ADGRB3: variants seen among roughly 807,000 people sequenced by gnomAD.
The protein encoded by ADGRB3 is adhesion G protein-coupled receptor B3.
Under a neutral mutation model 193.4 loss-of-function variants are expected in ADGRB3, and 37 were observed. That is an observed-to-expected ratio of 0.19 (90% CI 0.15 to 0.25). The LOEUF (loss-of-function observed/expected upper bound fraction) is 0.25, where lower values mean the gene tolerates loss of function less well. Ranked by LOEUF, ADGRB3 falls within the 10% of genes least tolerant of loss-of-function variation. The pLI, the probability that ADGRB3 is intolerant of heterozygous loss-of-function variation, is 1.00. For synonymous variants in ADGRB3, 690 were observed against 644.2 expected, an observed-to-expected ratio of 1.07 and a Z score of -1.08; for missense variants, 1,637 against 1,852.9, an observed-to-expected ratio of 0.88 and a Z score of 2.14.
chr6:68,884,950 C>T (rs896156204), intron 3 of ADGRB3, among the ~76,000 whole-genome samples: 11 of 152,026 alleles, frequency 7.2e-5, no homozygotes, highest in Admixed American at 2.6e-4. Flanking sequence ...AACCCAGTAC[C>T]TAATCTTAGG....
chr6:69,354,402 A>G, intron 27 of ADGRB3, 74 bp downstream of exon 27: 1 of 1,242,610 alleles, frequency 8.0e-7, no homozygotes, highest in Non-Finnish European at 1.2e-6. Context: ...CCTTATGAGT[A>G]AAATAGTGTA....
chr6:69,310,808 G>T (rs532779348), intron 20 of ADGRB3, among the ~76,000 whole-genome samples: 1 of 151,714 alleles, frequency 6.6e-6, no homozygotes, highest in African/African-American at 2.4e-5. Flanking sequence ...CCATGGTAAA[G>T]AAAAAGACCT....
At chr6:69,355,677 T>C (rs1769322688) in intron 27 of ADGRB3, 144 bp from the exon 28 acceptor site, 2 of 677,068 alleles carry the variant, frequency 3.0e-6, no homozygotes, top group South Asian at 3.6e-5. Flanking sequence ...AATCTAATTA[T>C]ACATAGAGAA....
chr6:69,282,193 T>C (rs530092575), intron 20 of ADGRB3, among the ~76,000 whole-genome samples: 2 of 152,180 alleles, frequency 1.3e-5, no homozygotes, highest in East Asian at 3.9e-4. Flanking sequence ...AAAATGAATA[T>C]CAGGATTTGA....
At chr6:69,069,159 G>T (rs1771997325) in intron 16 of ADGRB3, among the ~76,000 whole-genome samples, 1 of 151,950 alleles carries the variant, frequency 6.6e-6, no homozygotes, top group African/African-American at 2.4e-5. Context: ...CTAAAATATG[G>T]AACAGTACTT....
At chr6:69,202,809 G>A (rs908702554) in intron 17 of ADGRB3, among the ~76,000 whole-genome samples, 1 of 152,092 alleles carries the variant, frequency 6.6e-6, no homozygotes, top group Non-Finnish European at 1.5e-5. Flanking sequence ...GTACCTACTG[G>A]CTTCAACTTC....
chr6:69,049,367 C>G lies in ADGRB3; in HGVS notation c.2333+21C>G, dbSNP rs775235937. The G allele has an allele frequency of 2.3e-5, 36 of 1,541,094 alleles. No homozygotes were observed. In the Middle Eastern group the frequency reaches 7.2e-4, roughly 31 times the overall value. ...TTGAGGTAAGCTACAAAGTAATAAACTGTTGTAATTTTGTAAATTATTCCA... is the reference window on the plus strand; with the variant it reads ...TTGAGGTAAGCTACAAAGTAATAAAGTGTTGTAATTTTGTAAATTATTCCA... On this transcript the variant is annotated intron_variant, in intron 15 of 31. Transcript: ENST00000370598.
intron 20 of ADGRB3, among the ~76,000 whole-genome samples, chr6:69,256,565 C>T (rs978257223): frequency 4.6e-5 from 7 of 151,944 alleles, no homozygotes; most frequent in African/African-American, 1.7e-4. Context: ...TATCCTGAGA[C>T]TTTGCTGAAG....
intron 31 of ADGRB3, among the ~76,000 whole-genome samples, chr6:69,387,232 G>T (rs1770093188): frequency 6.6e-6 from 1 of 152,046 alleles, no homozygotes; most frequent in Non-Finnish European, 1.5e-5. Flanking sequence ...TGCTGATTAT[G>T]ACTTCATCCT....
chr6:69,065,183 T>C (rs1040800184), intron 16 of ADGRB3, among the ~76,000 whole-genome samples: 4 of 152,128 alleles, frequency 2.6e-5, no homozygotes, highest in African/African-American at 4.8e-5. Context: ...AGAAAGCCCA[T>C]GTTTAAAATG....
chr6:69,083,101 GA>G (rs1772434483), intron 17 of ADGRB3, among the ~76,000 whole-genome samples: 1 of 152,050 alleles, frequency 6.6e-6, no homozygotes, highest in Non-Finnish European at 1.5e-5. Context: ...AAGTTGATCT[GA>G]AAAAAATCTT....
chr6:69,141,584 A>G (rs984921994), intron 17 of ADGRB3, among the ~76,000 whole-genome samples: 5 of 152,022 alleles, frequency 3.3e-5, no homozygotes, highest in African/African-American at 7.2e-5. Flanking sequence ...CCTAGTGGGT[A>G]TGAGGAAATA....
intron 3 of ADGRB3, among the ~76,000 whole-genome samples, chr6:68,853,981 C>T (rs1768457728): frequency 6.6e-6 from 1 of 152,108 alleles, no homozygotes; most frequent in Non-Finnish European, 1.5e-5. Flanking sequence ...TTTTATTAAT[C>T]ATCTTAATTC....
chr6:69,355,015 G>A (rs980141583), intron 27 of ADGRB3, among the ~76,000 whole-genome samples: 14 of 151,894 alleles, frequency 9.2e-5, no homozygotes, highest in African/African-American at 3.4e-4. Context: ...TAACTTTTTT[G>A]AACTAGGCAA....
chr6:69,150,867 C>A (rs1774655320), intron 17 of ADGRB3, among the ~76,000 whole-genome samples: 1 of 152,160 alleles, frequency 6.6e-6, no homozygotes, highest in African/African-American at 2.4e-5. Context: ...AGCAGATTAC[C>A]TTCTGGCACA....
intron 3 of ADGRB3, among the ~76,000 whole-genome samples, chr6:68,645,509 T>G (rs1036189640): frequency 2.0e-5 from 3 of 152,124 alleles, no homozygotes; most frequent in Non-Finnish European, 4.4e-5. Context: ...AAGAAAAACT[T>G]TGGTCCCTAA....
intron 10 of ADGRB3, among the ~76,000 whole-genome samples, chr6:68,993,234 A>G (rs945991166): frequency 6.6e-6 from 1 of 152,132 alleles, no homozygotes; most frequent in South Asian, 2.1e-4. Context: ...GTTTTCAATC[A>G]TGTCATAGTA....
At chr6:69,227,832 C>A (rs1255462992) in intron 17 of ADGRB3, among the ~76,000 whole-genome samples, 1 of 151,938 alleles carries the variant, frequency 6.6e-6, no homozygotes, top group Non-Finnish European at 1.5e-5. Flanking sequence ...AGTAGAAGAC[C>A]CTATTAAGAG....
At chr6:69,047,135 A>G (rs934019548) in intron 13 of ADGRB3, among the ~76,000 whole-genome samples, 1 of 152,196 alleles carries the variant, frequency 6.6e-6, no homozygotes, top group African/African-American at 2.4e-5. Context: ...CTGGGATTAC[A>G]GGCGTGAGCC....
Sources: allele counts gnomAD v4.1 joint callset (sites outside exome capture counted in the v4.1 genomes callset), GRCh38; gene constraint gnomAD v4.1.1; transcripts MANE v1.5; gene names NCBI Gene and HGNC (gene_info 2026-07-23, HGNC 2026-07-21).